Variants in USP24 observed in about 807,000 individuals in gnomAD.
USP24 encodes ubiquitin specific peptidase 24, also known as ubiquitin carboxyl-terminal hydrolase 24.
Under a neutral mutation model 361.6 loss-of-function variants are expected in USP24, and 97 were observed. The observed-to-expected ratio is 0.27, with a 90% CI of 0.23 to 0.32. USP24 has a LOEUF of 0.32. USP24 is among the 10% of genes least tolerant of loss of function. USP24 has a pLI of 1.00. For synonymous variants in USP24, 1,098 were observed against 1,124.6 expected (o/e 0.98, Z 0.47); for missense variants, 2,353 against 3,165.6 (o/e 0.74, Z 6.16).
chr1:55,132,772 A>C (rs1345776268), intron 30 of USP24, 72 bp from the exon 31 acceptor site: 1 of 1,429,074 alleles, frequency 7.0e-7, no homozygotes, highest in African/African-American at 1.4e-5. Context: ...ATCTTAGTAC[A>C]CGTCCTAATA....
At chr1:55,106,849 A>C (rs1187517973) in intron 40 of USP24, among the ~76,000 whole-genome samples, 4 of 152,180 alleles carry the variant, frequency 2.6e-5, no homozygotes, top group African/African-American at 9.7e-5. Context: ...TCTCATATGT[A>C]CCCCACCACT....
intron 13 of USP24, 44 bp downstream of exon 13, chr1:55,154,627 T>C: frequency 1.9e-6 from 3 of 1,574,696 alleles, no homozygotes; most frequent in Non-Finnish European, 2.6e-6. Flanking sequence ...AAAGAGCTTA[T>C]TTTAAGAAAA....
intron 59 of USP24, 81 bp downstream of exon 59, chr1:55,081,241 C>G: frequency 7.3e-7 from 1 of 1,363,208 alleles, no homozygotes; most frequent in Non-Finnish European, 1.0e-6. Flanking sequence ...AAACAAGAGA[C>G]ATTCATTTAC....
At chr1:55,197,275 GTGCTGC>G (rs934720144) in intron 1 of USP24, among the ~76,000 whole-genome samples, 1 of 152,106 alleles carries the variant, frequency 6.6e-6, no homozygotes, top group Admixed American at 6.5e-5. Flanking sequence ...TCTCTCTCCT[GTGCTGC>G]TTTTTTTCCA....
chr1:55,142,701 C>A, intron 23 of USP24, 41 bp downstream of exon 23: 1 of 1,288,934 alleles, frequency 7.8e-7, no homozygotes, highest in African/African-American at 1.5e-5. Flanking sequence ...AGAAAAAAAG[C>A]ATTTACCTCA....
chr1:55,104,012 G>GTAC lies in USP24; in HGVS notation c.4886_4888dup (p.Ser1629dup). 6.2e-7 allele frequency: 1 copy of GTAC among 1,605,340 alleles called. No individual in the cohort carries two copies. The highest frequency in any genetic ancestry group is 1.1e-5 in the South Asian group (1 of 89,330). ...ATAGGCTGCCAATCGGCTATTCGCTGTACTACACCTAGAAACAAAAGACAC... is the reference window on the plus strand; with the variant it reads ...ATAGGCTGCCAATCGGCTATTCGCTGTACTACTACACCTAGAAACAAAAGACAC... On this transcript the variant is annotated inframe_insertion, in exon 42 of 68. Transcript: ENST00000294383.
chr1:55,100,419 C>G (rs1293529751), intron 44 of USP24, among the ~76,000 whole-genome samples: 1 of 151,644 alleles, frequency 6.6e-6, no homozygotes, highest in Non-Finnish European at 1.5e-5. Flanking sequence ...TCGCTTGAAC[C>G]CAGGAGGTGG....
At chr1:55,099,004 T>C (rs1645564923) in intron 45 of USP24, among the ~76,000 whole-genome samples, 1 of 152,208 alleles carries the variant, frequency 6.6e-6, no homozygotes, top group Non-Finnish European at 1.5e-5. Context: ...GTCTGCCACA[T>C]GGCTTACAGG....
intron 32 of USP24, 100 bp from the exon 33 acceptor site, chr1:55,125,858 G>T: frequency 1.1e-6 from 1 of 938,244 alleles, no homozygotes; most frequent in Non-Finnish European, 1.6e-6. Flanking sequence ...CAATTACTTA[G>T]TTTCTACATG....
At chr1:55,136,549 T>C (rs951775405) in intron 28 of USP24, among the ~76,000 whole-genome samples, 24 of 152,150 alleles carry the variant, frequency 1.6e-4, no homozygotes, top group Non-Finnish European at 1.6e-4. Flanking sequence ...TACTAAAATA[T>C]GCCAGGTGAG....
At chr1:55,166,254 A>T (rs1648844159) in intron 6 of USP24, among the ~76,000 whole-genome samples, 1 of 151,744 alleles carries the variant, frequency 6.6e-6, no homozygotes, top group Admixed American at 6.6e-5. Flanking sequence ...ATTATATATT[A>T]ATAATTTAAG....
chr1:55,165,986 CTCTT>C, intron 6 of USP24, 36 bp from the exon 7 acceptor site: 1 of 1,574,328 alleles, frequency 6.4e-7, no homozygotes, highest in Non-Finnish European at 8.6e-7. Context: ...AGTTATTTTT[CTCTT>C]TAATTTTTTT....
At chr1:55,165,805 T>A in intron 7 of USP24, 80 bp downstream of exon 7, 1 of 1,247,752 alleles carries the variant, frequency 8.0e-7, no homozygotes, top group Non-Finnish European at 1.1e-6. Context: ...ACTTGGCATG[T>A]CCAGACCATA....
At position 55,071,769 on chromosome 1, in the gene USP24, G is replaced by C. The variant is rs775712369; in HGVS notation, c.7800+45C>G. 3.2e-6 allele frequency: 5 copies of C among 1,554,074 alleles called. No homozygotes were observed. In the East Asian group the frequency reaches 9.1e-5, roughly 28 times the overall value. On this transcript the variant is annotated intron_variant, in intron 67 of 67. Transcript: ENST00000294383. The stretch of plus-strand genomic sequence containing the variant: ...TGGAAATTCTTTTTGGAAAGCTTAA[G>C]AGCAAGGCTGCCCTTTGCACACAAG...
At position 55,166,424 on chromosome 1, in the gene USP24, AGGAAGAAAAT is replaced by A; in HGVS notation, c.861+134_861+143del. ...CTGCTAGTATTGTACATACAAAAAA[AGGAAGAAAAT>A]ATGAAATCCACTCCTTAAAGCATTT... is the stretch of plus-strand genomic sequence containing the variant. On this transcript the variant is annotated intron_variant, in intron 6 of 67. Transcript: ENST00000294383. The A allele has an allele frequency of 3.7e-6, 3 of 802,940 alleles. No homozygotes were observed. In the East Asian group the frequency reaches 8.3e-5, roughly 22 times the overall value. 49.7% of individuals were successfully genotyped at this position (802,940 alleles called of 1,614,324 possible).
chr1:55,070,064 G>A (rs1644889699), intron 67 of USP24, among the ~76,000 whole-genome samples: 1 of 151,796 alleles, frequency 6.6e-6, no homozygotes, highest in Non-Finnish European at 1.5e-5. Context: ...AGGCAGAGAG[G>A]GGCTGATGAC....
At chr1:55,166,079 A>C in intron 6 of USP24, 129 bp from the exon 7 acceptor site, 9 of 686,710 alleles carry the variant, frequency 1.3e-5, no homozygotes, top group Non-Finnish European at 2.0e-5. Context: ...CAGGCATACA[A>C]TGTGAAATAA....
At chr1:55,120,786 A>G (rs756157877) in intron 37 of USP24, 30 bp from the exon 38 acceptor site, 1 of 1,534,982 alleles carries the variant, frequency 6.5e-7, no homozygotes, top group Non-Finnish European at 8.8e-7. Flanking sequence ...AGCAAAGGAC[A>G]GACATGAATC....
In USP24 at chr1:55,067,044, A is replaced by G. The variant is rs1372103341; in HGVS notation, c.*2001T>C. 6.6e-6 allele frequency: 1 copy of G among 152,216 alleles called. No homozygotes were observed. Among genetic ancestry groups the G allele is most frequent in the Non-Finnish European group, 1.5e-5 (1 of 68,046 alleles). 9.4% of individuals were successfully genotyped at this position (152,216 alleles called of 1,614,324 possible). On this transcript the variant is annotated 3_prime_UTR_variant, in exon 68 of 68. Coordinates refer to ENST00000294383, the MANE Select transcript of USP24 (RefSeq NM_015306.3). The stretch of plus-strand genomic sequence containing the variant: ...AGCAACATGATCTGAAGCGTATAAT[A>G]TACACGGTGGACGATCCTGATGAAG...
Sources: gnomAD v4.1 joint callset for allele counts (sites outside exome capture counted in the v4.1 genomes callset) on GRCh38, gnomAD v4.1.1 for gene constraint, MANE v1.5 for transcripts, NCBI Gene and HGNC (gene_info 2026-07-23, HGNC 2026-07-21) for gene names.